RANBP9: variants seen among roughly 807,000 people sequenced by gnomAD.
RANBP9 encodes ran-binding protein 9.
A neutral mutation model predicts 84.3 loss-of-function variants in RANBP9; 15 were observed. That is an observed-to-expected ratio of 0.18 (90% CI 0.12 to 0.27). RANBP9 has a LOEUF of 0.27. Ranked by LOEUF, RANBP9 falls within the 10% of genes least tolerant of loss-of-function variation. RANBP9 has a pLI of 1.00. For missense variants in RANBP9, 809 were observed against 912.8 expected, an observed-to-expected ratio of 0.89 and a Z score of 1.46; for synonymous variants, 392 against 349.6, an observed-to-expected ratio of 1.12 and a Z score of -1.35.
chr6:13,666,991 T>C (rs1379772985), intron 2 of RANBP9, among the ~76,000 whole-genome samples: 1 of 152,098 alleles, frequency 6.6e-6, no homozygotes, highest in Non-Finnish European at 1.5e-5. Flanking sequence ...CTGGTAGATA[T>C]ATAAAGGCTA....
In RANBP9 at chr6:13,673,262, A is replaced by G. The variant is rs553676355; in HGVS notation, c.684-14430T>C. On this transcript the variant is annotated intron_variant, in intron 2 of 13. Transcript: ENST00000011619. ...TGGAGTGAAATATTTAAGTGTTGGG[A>G]AAAAACCCCACCAAGCTAGGATTTA... Among the ~76,000 whole-genome samples the G allele has an allele frequency of 2.6e-5, 4 of 152,238 alleles. No homozygotes were observed. The South Asian group carries it at 8.3e-4, about 32-fold the overall frequency.
intron 1 of RANBP9, among the ~76,000 whole-genome samples, chr6:13,705,454 T>C (rs545154008): frequency 2.7e-5 from 4 of 150,206 alleles, no homozygotes; most frequent in African/African-American, 9.8e-5. Context: ...ATTATTATTG[T>C]CTACTGTTCT....
chr6:13,635,047 T>C (rs1404013706), intron 10 of RANBP9, among the ~76,000 whole-genome samples: 1 of 152,196 alleles, frequency 6.6e-6, no homozygotes, highest in Non-Finnish European at 1.5e-5. Flanking sequence ...TAGGCTGTTT[T>C]TAAATAGCAT....
chr6:13,686,426 G>A (rs113029385), intron 2 of RANBP9, among the ~76,000 whole-genome samples: 1 of 151,884 alleles, frequency 6.6e-6, no homozygotes, highest in Non-Finnish European at 1.5e-5. Flanking sequence ...ACTGGGTACA[G>A]GAATGCGCCA....
intron 12 of RANBP9, among the ~76,000 whole-genome samples, chr6:13,631,831 T>C (rs899252066): frequency 6.6e-5 from 10 of 152,216 alleles, no homozygotes; most frequent in African/African-American, 1.7e-4. Flanking sequence ...TATCAGCTCA[T>C]GGACAACAAT....
chr6:13,670,265 C>T (rs1252716181), intron 2 of RANBP9, among the ~76,000 whole-genome samples: 1 of 151,726 alleles, frequency 6.6e-6, no homozygotes, highest in East Asian at 1.9e-4. Context: ...TGCACTCTGG[C>T]CTGGGTGACA....
At chr6:13,696,571 C>T (rs1394490608) in intron 2 of RANBP9, among the ~76,000 whole-genome samples, 1 of 152,150 alleles carries the variant, frequency 6.6e-6, no homozygotes, top group Non-Finnish European at 1.5e-5. Context: ...AATAATAAAC[C>T]TACCAGAAAA....
intron 11 of RANBP9, 45 bp from the exon 12 acceptor site, chr6:13,632,566 G>T (rs1277330201): frequency 6.5e-7 from 1 of 1,530,544 alleles, no homozygotes; most frequent in Non-Finnish European, 9.0e-7. Context: ...ATGGAATGGA[G>T]TATAATGAGG....
intron 5 of RANBP9, among the ~76,000 whole-genome samples, chr6:13,650,335 CTATTA>C (rs533044503): frequency 7.6e-4 from 116 of 151,978 alleles, no homozygotes; most frequent in African/African-American, 2.4e-3. Flanking sequence ...AAATTATTTT[CTATTA>C]TAATTTTGAT....
At chr6:13,686,064 G>T (rs1766168868) in intron 2 of RANBP9, among the ~76,000 whole-genome samples, 3 of 124,810 alleles carry the variant, frequency 2.4e-5, no homozygotes, top group Admixed American at 9.0e-5. Context: ...CATTTTTTCT[G>T]TACTTTTTTT....
At chr6:13,664,782 A>C (rs1367171040) in intron 2 of RANBP9, among the ~76,000 whole-genome samples, 1 of 152,156 alleles carries the variant, frequency 6.6e-6, no homozygotes, top group Non-Finnish European at 1.5e-5. Flanking sequence ...AAATAAGTAA[A>C]ATGTATATGG....
chr6:13,655,018 G>A (rs916887195), intron 4 of RANBP9, among the ~76,000 whole-genome samples: 1 of 152,246 alleles, frequency 6.6e-6, no homozygotes, highest in East Asian at 1.9e-4. Context: ...GCACAGAAAT[G>A]TTAAGTAATT....
chr6:13,648,351 T>C (rs1246396836), intron 5 of RANBP9, among the ~76,000 whole-genome samples: 2 of 152,048 alleles, frequency 1.3e-5, no homozygotes, highest in African/African-American at 4.8e-5. Flanking sequence ...TTTCACCATG[T>C]TGGCCAGGAT....
Position 13,711,346 on chromosome 6 carries a change from C to T in RANBP9, c.160G>A (p.Gly54Ser). Residue 54 changes from glycine (G) to serine (S), a missense_variant, in exon 1 of 14, where the codon GGT (glycine) becomes AGT (serine). Physicochemically the swap from Gly to Ser is moderately conservative, Grantham distance 56 (BLOSUM62 0). This residue lies in a region of RANBP9 where 302 missense variants were observed against 240.1 expected (regional missense o/e 1.26). Transcript: ENST00000011619. ...GSSPAGSPGG[G>S]AGGEGLGAAA... ...GCCCCTAAGCCTTCGCCGCCCGCAC[C>T]GCCGCCGGGCGAGCCGGCCGGAGAA... 1 of 1,136,622 alleles carries T rather than the reference C, an allele frequency of 8.8e-7. No individual in the cohort carries two copies. The allele number at this position is 1,136,622 out of a possible 1,614,324, so 70.4% of individuals were successfully genotyped here. A position where few individuals can be genotyped will look rare whatever the true frequency, so the allele number is the denominator to read the frequency against.
intron 12 of RANBP9, among the ~76,000 whole-genome samples, chr6:13,629,388 GATACATGCACATGGGAGTTAAGGCACA>G (rs1384455923): frequency 6.6e-6 from 1 of 152,198 alleles, no homozygotes; most frequent in Admixed American, 6.5e-5. Context: ...AGCTAGTTAA[GATACATGCACATGGGAGTTAAGGCACA>G]AAACTGAAAA....
intron 2 of RANBP9, among the ~76,000 whole-genome samples, chr6:13,661,499 TGAGAAAAAAA>T (rs1238051395): frequency 6.9e-6 from 1 of 145,372 alleles, no homozygotes; most frequent in African/African-American, 2.6e-5. Flanking sequence ...GGAAAAAAAA[TGAGAAAAAAA>T]GAGAAAGACC....
At chr6:13,637,670 C>G in intron 10 of RANBP9, 138 bp downstream of exon 10, 2 of 826,446 alleles carry the variant, frequency 2.4e-6, no homozygotes, top group Non-Finnish European at 3.6e-6. Context: ...ACTCCCTACG[C>G]TTTTATTCTC....
At chr6:13,679,563 C>A (rs995860697) in intron 2 of RANBP9, among the ~76,000 whole-genome samples, 2 of 152,156 alleles carry the variant, frequency 1.3e-5, no homozygotes, top group Non-Finnish European at 1.5e-5. Context: ...TTTCACCCAA[C>A]AGACACAAAA....
chr6:13,695,885 C>G (rs1414255571), intron 2 of RANBP9, among the ~76,000 whole-genome samples: 1 of 152,080 alleles, frequency 6.6e-6, no homozygotes, highest in Non-Finnish European at 1.5e-5. Context: ...ACAGGAGGAC[C>G]ACTAAGAGGG....
Sources: gnomAD v4.1 joint callset for allele counts (sites outside exome capture counted in the v4.1 genomes callset) on GRCh38, gnomAD v4.1.1 for gene constraint, gnomAD v4.1.1 regional missense constraint, MANE v1.5 for transcripts, NCBI Gene and HGNC (gene_info 2026-07-23, HGNC 2026-07-21) for gene names.